The following KCNIP4 variants were observed in gnomAD, a reference collection of about 807,000 sequenced individuals.
KCNIP4 encodes the protein potassium voltage-gated channel interacting protein 4.
A neutral mutation model predicts 34.0 loss-of-function variants in KCNIP4; 12 were observed. That is an observed-to-expected ratio of 0.35 (90% CI 0.23 to 0.57). The LOEUF (loss-of-function observed/expected upper bound fraction) is 0.57, where lower values mean the gene tolerates loss of function less well. Among genes scored for constraint, KCNIP4 ranks in the 20% least tolerant of loss-of-function variants. The pLI, the probability that KCNIP4 is intolerant of heterozygous loss-of-function variation, is 0.83. For missense variants in KCNIP4, 238 were observed against 311.7 expected, an observed-to-expected ratio of 0.76 and a Z score of 1.78; for synonymous variants, 124 against 102.2, an observed-to-expected ratio of 1.21 and a Z score of -1.29.
chr4:21,513,683 C>T (rs891938135), intron 1 of KCNIP4, among the ~76,000 whole-genome samples: 1 of 152,206 alleles, frequency 6.6e-6, no homozygotes, highest in Non-Finnish European at 1.5e-5. Flanking sequence ...GTGGCATGTG[C>T]TAAATGCTCA....
In KCNIP4 at chr4:20,836,821, C is replaced by G. The variant is rs140701234; in HGVS notation, c.288+13722G>C. On this transcript the variant is annotated intron_variant, in intron 3 of 8. Coordinates refer to ENST00000382152, the MANE Select transcript of KCNIP4 (RefSeq NM_025221.6). ...TTGACATATAAAACTTATCATCATA[C>G]TTTCCTTAGGTCTCCTGCATCCACA... Among the ~76,000 whole-genome samples, 526 of 152,070 alleles carry G rather than the reference C, an allele frequency of 3.5e-3. 2 individuals carry two copies. Among genetic ancestry groups the G allele is most frequent in the Middle Eastern group, 6.8e-3 (2 of 294 alleles).
chr4:20,854,406 C>T (rs762835511), intron 2 of KCNIP4, among the ~76,000 whole-genome samples: 8 of 152,138 alleles, frequency 5.3e-5, no homozygotes, highest in Admixed American at 6.6e-5. Context: ...AACCAAACCT[C>T]GTGTGTTCTC....
intron 1 of KCNIP4, among the ~76,000 whole-genome samples, chr4:21,505,515 C>T (rs1197841627): frequency 6.6e-6 from 1 of 152,180 alleles, no homozygotes; most frequent in East Asian, 1.9e-4. Context: ...GTCCCCTCTG[C>T]CTGGGACTTC....
intron 1 of KCNIP4, among the ~76,000 whole-genome samples, chr4:21,494,501 G>A (rs902912324): frequency 6.6e-6 from 1 of 152,094 alleles, no homozygotes; most frequent in African/African-American, 2.4e-5. Context: ...GGTGCTGAGT[G>A]CGGTGGCTTA....
chr4:21,698,691 A>G (rs1193408053), intron 1 of KCNIP4, among the ~76,000 whole-genome samples: 3 of 152,206 alleles, frequency 2.0e-5, no homozygotes, highest in African/African-American at 7.2e-5. Flanking sequence ...TAAATATTAT[A>G]TCTGTGAGAT....
chr4:20,753,822 A>G (rs1754049474), intron 4 of KCNIP4, among the ~76,000 whole-genome samples: 2 of 152,196 alleles, frequency 1.3e-5, no homozygotes, highest in African/African-American at 4.8e-5. Context: ...TTATGTCTAC[A>G]GAACTCATCT....
At chr4:21,901,734 A>G (rs1727714292) in intron 1 of KCNIP4, among the ~76,000 whole-genome samples, 1 of 152,214 alleles carries the variant, frequency 6.6e-6, no homozygotes, top group Admixed American at 6.6e-5. Flanking sequence ...TAATATTGCA[A>G]ACTAGATTCA....
rs75791123 is a variant in KCNIP4, at chr4:20,957,949, G to A, written c.62-75240C>T. Among the ~76,000 whole-genome samples, 784 of 152,312 alleles carry A rather than the reference G, an allele frequency of 5.1e-3. 7 individuals are homozygous for A. Among genetic ancestry groups the A allele is most frequent in the African/African-American group, 0.018 (747 of 41,566 alleles). On this transcript the variant is annotated intron_variant, in intron 1 of 8. Transcript: ENST00000382152. The stretch of plus-strand genomic sequence containing the variant: ...AGGCTTGATACAGCAAAAGACAGAA[G>A]GCAGGTGTTTGGCCTGGAGCCCTCT...
At chr4:21,309,230 C>T (rs770462781) in intron 1 of KCNIP4, among the ~76,000 whole-genome samples, 19 of 152,094 alleles carry the variant, frequency 1.2e-4, no homozygotes, top group East Asian at 1.9e-4. Flanking sequence ...AGAAAGGGGG[C>T]GAACTTTCTC....
intron 1 of KCNIP4, among the ~76,000 whole-genome samples, chr4:21,033,416 T>C (rs532701554): frequency 1.3e-5 from 2 of 152,366 alleles, no homozygotes; most frequent in Non-Finnish European, 2.9e-5. Flanking sequence ...CAAGCAGGGC[T>C]ATGTTTTTTG....
intron 1 of KCNIP4, among the ~76,000 whole-genome samples, chr4:21,455,667 G>A (rs1728863954): frequency 6.8e-6 from 1 of 147,548 alleles, no homozygotes; most frequent in Non-Finnish European, 1.5e-5. Flanking sequence ...ATTGAACCAA[G>A]ATTTTCTAGC....
chr4:21,679,444 A>T (rs1750170917), intron 1 of KCNIP4, among the ~76,000 whole-genome samples: 1 of 149,074 alleles, frequency 6.7e-6, no homozygotes, highest in South Asian at 2.2e-4. Context: ...CTAGCAATGC[A>T]TTCATCTCTT....
At chr4:21,057,180 T>A (rs1743483494) in intron 1 of KCNIP4, among the ~76,000 whole-genome samples, 1 of 152,138 alleles carries the variant, frequency 6.6e-6, no homozygotes, top group South Asian at 2.1e-4. Context: ...ATGTGGGAAC[T>A]AATTGAGGAC....
intron 1 of KCNIP4, among the ~76,000 whole-genome samples, chr4:21,338,480 T>G (rs1429342135): frequency 1.4e-5 from 2 of 147,354 alleles, no homozygotes; most frequent in African/African-American, 5.0e-5. Context: ...ACTGGCATGT[T>G]CTTGTAGTCC....
chr4:21,644,759 G>C (rs1179488203), intron 1 of KCNIP4, among the ~76,000 whole-genome samples: 5 of 151,898 alleles, frequency 3.3e-5, no homozygotes, highest in Non-Finnish European at 7.4e-5. Context: ...TTTCATTTTG[G>C]CCCTTAAAAT....
chr4:21,249,399 C>T lies in KCNIP4; in HGVS notation c.62-366690G>A, dbSNP rs80301906. On this transcript the variant is annotated intron_variant, in intron 1 of 8. Transcript: ENST00000382152. ...GCAGTGGGCTGGGGAAGGGTAAAAG[C>T]GATGGTATGTATGTATTAAGGTTCT... Among the ~76,000 whole-genome samples the T allele has an allele frequency of 9.2e-3, 1,399 of 152,152 alleles. 10 individuals are homozygous for T. Among genetic ancestry groups the T allele is most frequent in the Admixed American group, 0.015 (224 of 15,272 alleles).
intron 1 of KCNIP4, among the ~76,000 whole-genome samples, chr4:21,194,491 G>A (rs753777566): frequency 2.0e-5 from 3 of 152,212 alleles, no homozygotes; most frequent in East Asian, 1.9e-4. Context: ...AAACAATCTC[G>A]GGTCCTAATG....
At chr4:21,466,374 T>A (rs773114313) in intron 1 of KCNIP4, among the ~76,000 whole-genome samples, 54 of 152,334 alleles carry the variant, frequency 3.5e-4, no homozygotes, top group South Asian at 6.2e-4. Flanking sequence ...CTAGGCCAGA[T>A]GGCAAACTGA....
At chr4:21,805,362 G>T (rs4411977) in intron 1 of KCNIP4, among the ~76,000 whole-genome samples, 56,298 of 151,754 alleles carry the variant, frequency 0.37, 12,365 homozygotes, top group Non-Finnish European at 0.51. Context: ...GAATCATGGG[G>T]GCTGTTTCCC....
Sources: allele counts gnomAD v4.1 joint callset (sites outside exome capture counted in the v4.1 genomes callset), GRCh38; gene constraint gnomAD v4.1.1; transcripts MANE v1.5; gene names NCBI Gene and HGNC (gene_info 2026-07-23, HGNC 2026-07-21).